The following SDHA variants were observed in gnomAD, a reference collection of about 807,000 sequenced individuals.
SDHA encodes the protein succinate dehydrogenase complex flavoprotein subunit A.
Under a neutral mutation model 78.4 loss-of-function variants are expected in SDHA, and 48 were observed. The ratio of observed to expected loss-of-function variants is 0.61; its 90% CI spans 0.49 to 0.78. SDHA has a LOEUF of 0.78. Among genes scored for constraint, SDHA ranks in the 30% least tolerant of loss-of-function variants. The pLI is 0.00. For missense variants in SDHA, 680 were observed against 892.7 expected (o/e 0.76, Z 3.04); for synonymous variants, 326 against 353.9 (o/e 0.92, Z 0.88).
At chr5:248,299 A>T (rs1257063542) in intron 11 of SDHA, among the ~76,000 whole-genome samples, 1 of 152,202 alleles carries the variant, frequency 6.6e-6, no homozygotes, top group Non-Finnish European at 1.5e-5. Context: ...CCCAACTGTC[A>T]TGAGCAACAC....
intron 4 of SDHA, 41 bp downstream of exon 4, chr5:225,603 C>A (rs767097738): frequency 1.9e-6 from 3 of 1,613,560 alleles, no homozygotes; most frequent in South Asian, 1.1e-5. Context: ...TGGTCTGTTT[C>A]TAGTACAAAA....
chr5:223,889 G>A (rs1734855494), intron 2 of SDHA, among the ~76,000 whole-genome samples: 1 of 152,142 alleles, frequency 6.6e-6, no homozygotes, highest in African/African-American at 2.4e-5. Flanking sequence ...ATAGGACGGT[G>A]GGGCCAGTGA....
chr5:251,906 A>C (rs1736855881), intron 13 of SDHA: 2 of 351,066 alleles, frequency 5.7e-6, no homozygotes, highest in Non-Finnish European at 1.1e-5. Flanking sequence ...TTAAATAACG[A>C]GTAAGCCACC....
intron 10 of SDHA, among the ~76,000 whole-genome samples, chr5:237,780 G>A (rs1299874482): frequency 8.8e-5 from 12 of 136,788 alleles, no homozygotes; most frequent in Non-Finnish European, 1.5e-4. Flanking sequence ...TGTATCTGTA[G>A]TTAGAAAGGT....
intron 6 of SDHA, among the ~76,000 whole-genome samples, chr5:228,752 T>A (rs1735204107): frequency 6.6e-6 from 1 of 152,238 alleles, no homozygotes; most frequent in Non-Finnish European, 1.5e-5. Context: ...TTTTATACAC[T>A]GTCAGTTACT....
intron 11 of SDHA, chr5:249,043 G>C: frequency 2.5e-6 from 1 of 406,040 alleles, no homozygotes; most frequent in Non-Finnish European, 4.7e-6. Context: ...CTTGTCTTTG[G>C]ATATTGCAAA....
chr5:225,673 G>C, intron 4 of SDHA, 111 bp downstream of exon 4: 2 of 1,499,610 alleles, frequency 1.3e-6, no homozygotes, highest in Non-Finnish European at 1.8e-6. Flanking sequence ...GAATGGTGAT[G>C]AGCAAAGTTC....
At chr5:256,145 A>G (rs60202975) in intron 14 of SDHA, among the ~76,000 whole-genome samples, 189 bp from the exon 15 acceptor site, 1 of 152,360 alleles carries the variant, frequency 6.6e-6, no homozygotes, top group African/African-American at 2.4e-5. Flanking sequence ...TGGTTTAAAC[A>G]TAAAGTGTCT....
rs1477142607 is a variant in SDHA, at chr5:233,498, T to C, written c.917T>C (p.Leu306Pro). 1 of 1,614,230 alleles carries C rather than the reference T, an allele frequency of 6.2e-7. No homozygotes were observed. Among genetic ancestry groups the C allele is most frequent in the East Asian group, 2.2e-5 (1 of 44,892 alleles). Reference protein sequence around the residue: ...HPTGIYGAGCLITEGCRGEGG... With the variant: ...HPTGIYGAGCPITEGCRGEGG... ...GCAGGCATATATGGTGCTGGTTGTC[T>C]CATTACGGAAGGATGTCGTGGAGAG... The change falls in exon 8 of 15, where the codon CTC (leucine) becomes CCC (proline). Residue 306 changes from leucine (L) to proline (P), a missense_variant. By Grantham distance (98) the Leu-to-Pro change is moderately conservative. Transcript: ENST00000264932.
At chr5:223,079 C>T (rs1211263746) in intron 1 of SDHA, among the ~76,000 whole-genome samples, 1 of 152,158 alleles carries the variant, frequency 6.6e-6, no homozygotes, top group African/African-American at 2.4e-5. Context: ...TATGATGGAG[C>T]CAGTTAAAAT....
At chr5:268,184 C>A in the SDHA span, among the ~76,000 whole-genome samples, 7 of 141,974 alleles carry the variant, frequency 4.9e-5, no homozygotes, top group Admixed American at 4.8e-4. Context: ...GGTGTTTTTT[C>A]TTTCTTTTTT....
rs1194777515 is a variant in SDHA, at chr5:254,623, C to T, written c.1908+117C>T. On this transcript the variant is annotated intron_variant, in intron 14 of 14. Transcript: ENST00000264932. ...AGCAGGCCAGATTTAAATCAACTCC[C>T]GACAGATTCGAGGCACCGCTGAAAA... 2.3e-5 allele frequency: 33 copies of T among 1,439,222 alleles called. 1 individual carries two copies. Among genetic ancestry groups the T allele is most frequent in the East Asian group, 1.3e-4 (5 of 38,192 alleles). 89.2% of individuals were successfully genotyped at this position (1,439,222 alleles called of 1,614,324 possible). A position where few individuals can be genotyped will look rare whatever the true frequency, so the allele number is the denominator to read the frequency against.
chr5:256,084 A>G (rs550295607), intron 14 of SDHA, among the ~76,000 whole-genome samples: 35 of 152,332 alleles, frequency 2.3e-4, no homozygotes, highest in African/African-American at 8.4e-4. Context: ...TGGATTAGGG[A>G]TGTTCAACCT....
intron 10 of SDHA, 119 bp downstream of exon 10, chr5:236,718 G>C (rs1735812426): frequency 4.1e-6 from 4 of 965,406 alleles, no homozygotes; most frequent in Non-Finnish European, 6.4e-6. Context: ...AGTCATAGCA[G>C]CCTCAACCTC....
intron 14 of SDHA, among the ~76,000 whole-genome samples, chr5:255,456 G>GGT (rs1554002719): frequency 6.7e-6 from 1 of 150,314 alleles, no homozygotes; most frequent in African/African-American, 2.5e-5. Flanking sequence ...GGGTTTTTTG[G>GGT]TTTTTTTTTG....
intron 5 of SDHA, among the ~76,000 whole-genome samples, chr5:226,683 C>T (rs1438325208): frequency 6.6e-6 from 1 of 151,708 alleles, no homozygotes; most frequent in African/African-American, 2.4e-5. Context: ...AATCCCAGCA[C>T]TTTGTGAGGC....
intron 3 of SDHA, 97 bp downstream of exon 3, chr5:224,618 C>G (rs572123379): frequency 2.3e-6 from 3 of 1,300,126 alleles, no homozygotes; most frequent in Admixed American, 1.7e-5. Flanking sequence ...TCCCCCTGCT[C>G]CAGCCACATG....
chr5:231,665 C>T (rs1464206651), intron 7 of SDHA, among the ~76,000 whole-genome samples: 3 of 152,068 alleles, frequency 2.0e-5, no homozygotes, highest in African/African-American at 7.2e-5. Context: ...CTGTGGTGCT[C>T]CATGCCCAGC....
rs191412461 is a variant in SDHA, at chr5:256,404, C to G, written c.1979C>G (p.Ala660Gly). ...GCTGACTGTGCCACCGTCCCGCCAG[C>G]CATTCGCTCCTACTGATGAGACAAG... is the stretch of plus-strand genomic sequence containing the variant. ...NEADCATVPP[A>G]IRSY The change falls in exon 15 of 15, where the codon GCC becomes GGC. Residue 660 changes from alanine to glycine, a missense_variant. Physicochemically the swap from Ala to Gly is moderately conservative, Grantham distance 60. Transcript: ENST00000264932. 1.7e-4 allele frequency: 281 copies of G among 1,613,220 alleles called. No homozygotes were observed. Among genetic ancestry groups the G allele is most frequent in the Admixed American group, 4.2e-4 (25 of 60,020 alleles).
Sources: gnomAD v4.1 joint callset for allele counts (sites outside exome capture counted in the v4.1 genomes callset) on GRCh38, gnomAD v4.1.1 for gene constraint, MANE v1.5 for transcripts, NCBI Gene and HGNC (gene_info 2026-07-23, HGNC 2026-07-21) for gene names.